TOPBP1: variants seen among roughly 807,000 people sequenced by gnomAD.
TOPBP1 encodes the protein DNA topoisomerase 2-binding protein 1.
TOPBP1 carries 28 observed loss-of-function variants against 167.7 expected under a neutral mutation model. The observed-to-expected ratio is 0.17, with a 90% confidence interval of 0.12 to 0.23. The LOEUF (loss-of-function observed/expected upper bound fraction) is 0.23, where lower values mean the gene tolerates loss of function less well. Among genes scored for constraint, TOPBP1 ranks in the 10% least tolerant of loss-of-function variants. The probability of loss-of-function intolerance (pLI) is 1.00; values close to 1 mark genes in which losing one functional copy is unlikely to be tolerated. For missense variants in TOPBP1, 1,554 were observed against 1,809.6 expected (o/e 0.86, Z 2.56); for synonymous variants, 598 against 611.4 (o/e 0.98, Z 0.32).
In TOPBP1 at chr3:133,624,064, G is replaced by A. The variant is rs1935189033; in HGVS notation, c.2916C>T (p.His972=). ...AAGCACTGCTTACATCTAAAAGCCA[G>A]TGCTCGGAAACAATGTGTACTCCTC... ...KERGVHIVSE[H]WLLDCAQECK... Residue 972 remains histidine (H), a synonymous_variant, in exon 17 of 28, where the codon CAC becomes CAT. Transcript: ENST00000260810. 6.2e-7 allele frequency: 1 copy of A among 1,612,712 alleles called. No homozygotes were observed. The highest frequency in any genetic ancestry group is 2.2e-5 in the East Asian group (1 of 44,838).
intron 8 of TOPBP1, 86 bp from the exon 9 acceptor site, chr3:133,650,029 A>G: frequency 8.8e-7 from 1 of 1,135,442 alleles, no homozygotes; most frequent in Non-Finnish European, 1.2e-6. Context: ...TCCACTGTGT[A>G]TAAATAAGAC....
intron 10 of TOPBP1, among the ~76,000 whole-genome samples, chr3:133,647,541 A>G (rs1936119704): frequency 6.6e-6 from 1 of 152,182 alleles, no homozygotes; most frequent in Admixed American, 6.5e-5. Context: ...TAAGAAATAA[A>G]GAACAAAAAA....
In TOPBP1 at chr3:133,637,871, C is replaced by T; in HGVS notation, c.2520+5G>A. 1 of 1,613,338 alleles carries T rather than the reference C, an allele frequency of 6.2e-7. No homozygotes were observed. The highest frequency in any genetic ancestry group is 8.5e-7 in the Non-Finnish European group (1 of 1,179,446). On this transcript the variant is annotated splice_donor_5th_base_variant and intron_variant, in intron 14 of 27. Transcript: ENST00000260810. Reference sequence around the variant, plus strand: ...AACTCTGGGACCACTGCCTATAAACCTTACCTTCACATCAAAGGAAGGCTT... The same window carrying T: ...AACTCTGGGACCACTGCCTATAAACTTTACCTTCACATCAAAGGAAGGCTT...
At chr3:133,609,087 G>A in intron 25 of TOPBP1, 125 bp from the exon 26 acceptor site, 1 of 772,912 alleles carries the variant, frequency 1.3e-6, no homozygotes. Context: ...TTTTGCCACA[G>A]TATAATTATC....
At chr3:133,648,310 T>C (rs1218359285) in intron 10 of TOPBP1, among the ~76,000 whole-genome samples, 13 of 152,116 alleles carry the variant, frequency 8.5e-5, no homozygotes, top group African/African-American at 2.2e-4. Flanking sequence ...AAAAGAGAGG[T>C]CTCAGATGTA....
intron 25 of TOPBP1, 98 bp from the exon 26 acceptor site, chr3:133,609,060 A>C: frequency 3.0e-6 from 3 of 992,046 alleles, no homozygotes; most frequent in East Asian, 2.6e-5. Context: ...TTTGTCAATA[A>C]ATCTTATAAA....
intron 6 of TOPBP1, among the ~76,000 whole-genome samples, chr3:133,654,815 A>G (rs1203526849): frequency 6.6e-6 from 1 of 151,404 alleles, no homozygotes; most frequent in African/African-American, 2.5e-5. Context: ...ACTTTGCAAG[A>G]TGTTAGAGAA....
At chr3:133,627,234 T>C (rs1222068662) in intron 16 of TOPBP1, among the ~76,000 whole-genome samples, 2 of 152,104 alleles carry the variant, frequency 1.3e-5, no homozygotes, top group African/African-American at 4.8e-5. Flanking sequence ...TAAAATCATA[T>C]AAAAACATAC....
chr3:133,616,814 C>T lies in TOPBP1; in HGVS notation c.3871G>A (p.Gly1291Ser). ...IDYCHLIEKL[G>S]GLVIEKQCFD... Reference sequence around the variant, plus strand: ...TTGGATTTAAGTAAAATACTGGTACCTAGTTTCTCAATCAGATGACAATAG... The same window carrying T: ...TTGGATTTAAGTAAAATACTGGTACTTAGTTTCTCAATCAGATGACAATAG... Residue 1291 changes from glycine to serine, a missense_variant and splice_region_variant, in exon 23 of 28, where the codon GGT becomes AGT. Coordinates refer to ENST00000260810, the MANE Select transcript of TOPBP1 (RefSeq NM_007027.4). The T allele has an allele frequency of 6.7e-7, 1 of 1,491,666 alleles. No homozygotes were observed. The highest frequency in any genetic ancestry group is 1.3e-5 in the South Asian group (1 of 75,254). The allele number at this position is 1,491,666 out of a possible 1,614,324, so 92.4% of individuals were successfully genotyped here. A position where few individuals can be genotyped will look rare whatever the true frequency, so the allele number is the denominator to read the frequency against.
chr3:133,613,079 T>C (rs1385979397), intron 23 of TOPBP1, among the ~76,000 whole-genome samples: 5 of 152,112 alleles, frequency 3.3e-5, no homozygotes, highest in African/African-American at 1.2e-4. Context: ...CAGGCTGGTC[T>C]TGAACTCCTG....
At chr3:133,653,774 C>T (rs532640590) in intron 6 of TOPBP1, among the ~76,000 whole-genome samples, 3 of 152,018 alleles carry the variant, frequency 2.0e-5, no homozygotes, top group South Asian at 2.1e-4. Context: ...GGATTACAGA[C>T]GTGTGCCACC....
chr3:133,630,992 G>C (rs1935455193), intron 14 of TOPBP1, among the ~76,000 whole-genome samples: 1 of 152,112 alleles, frequency 6.6e-6, no homozygotes. Context: ...AGGAGTTCTA[G>C]ACCAGCCTGA....
At chr3:133,615,691 T>C (rs1182545043) in intron 23 of TOPBP1, among the ~76,000 whole-genome samples, 1 of 152,160 alleles carries the variant, frequency 6.6e-6, no homozygotes, top group East Asian at 1.9e-4. Context: ...ATTTTTACTT[T>C]ATATAAAAAA....
intron 16 of TOPBP1, among the ~76,000 whole-genome samples, chr3:133,626,409 ACAG>A (rs1312907603): frequency 4.6e-5 from 7 of 152,202 alleles, no homozygotes; most frequent in African/African-American, 1.4e-4. Flanking sequence ...ATTCTGGGGA[ACAG>A]TCATACATAT....
chr3:133,638,491 C>T (rs1214772771), intron 13 of TOPBP1, among the ~76,000 whole-genome samples: 1 of 152,048 alleles, frequency 6.6e-6, no homozygotes, highest in Non-Finnish European at 1.5e-5. Context: ...GCCTATTTGC[C>T]AAAAATTGTT....
chr3:133,649,417 C>T lies in TOPBP1; in HGVS notation c.1470G>A (p.Leu490=). Residue 490 remains leucine, a synonymous_variant, in exon 10 of 28, where the codon CTG becomes CTA. Coordinates refer to ENST00000260810, the MANE Select transcript of TOPBP1 (RefSeq NM_007027.4). ...AGCTACCATTTTCATATTGAGAGAG[C>T]AGATCTTCATCAGCTTGCTCATGCT... ...SEKHEQADED[L]LSQYENGSST... 2.5e-6 allele frequency: 4 copies of T among 1,613,634 alleles called. No homozygotes were observed. Among genetic ancestry groups the T allele is most frequent in the South Asian group, 1.1e-5 (1 of 91,074 alleles).
At chr3:133,624,273 C>T in intron 16 of TOPBP1, 98 bp from the exon 17 acceptor site, 1 of 1,398,218 alleles carries the variant, frequency 7.2e-7, no homozygotes, top group Non-Finnish European at 9.8e-7. Context: ...TCTGACCTTC[C>T]CAAAACTTTC....
chr3:133,608,710 A>G lies in TOPBP1; in HGVS notation c.4264-14T>C, dbSNP rs554008267. 25 of 1,612,640 alleles carry G rather than the reference A, an allele frequency of 1.6e-5. No individual in the cohort carries two copies. In the East Asian group the frequency reaches 5.6e-4, roughly 36 times the overall value. ...ACCAGGTAGCACCTAATGAAAAAAC[A>G]AGGTAGTATCACAATCTACCAGTAT... On this transcript the variant is annotated splice_polypyrimidine_tract_variant and intron_variant, in intron 26 of 27. Transcript: ENST00000260810.
intron 21 of TOPBP1, 129 bp downstream of exon 21, chr3:133,618,084 C>T (rs555178494): frequency 1.1e-5 from 8 of 752,980 alleles, no homozygotes; most frequent in Non-Finnish European, 1.7e-5. Context: ...AAACCAAAAC[C>T]AGAAATATCT....
Sources: allele counts gnomAD v4.1 joint callset (sites outside exome capture counted in the v4.1 genomes callset), GRCh38; gene constraint gnomAD v4.1.1; transcripts MANE v1.5; gene names NCBI Gene and HGNC (gene_info 2026-07-23, HGNC 2026-07-21).